Variants in CRTC1 observed in about 807,000 individuals in gnomAD.
CRTC1 encodes CREB regulated transcription coactivator 1.
Under a neutral mutation model 66.1 loss-of-function variants are expected in CRTC1, and 18 were observed. The observed-to-expected ratio is 0.27, with a 90% CI of 0.19 to 0.40. The LOEUF (loss-of-function observed/expected upper bound fraction) is 0.40, where lower values mean the gene tolerates loss of function less well. CRTC1 is among the 10% of genes least tolerant of loss of function. The pLI is 1.00. For missense variants in CRTC1, 669 were observed against 887.9 expected, an observed-to-expected ratio of 0.75 and a Z score of 3.13; for synonymous variants, 416 against 398.8, an observed-to-expected ratio of 1.04 and a Z score of -0.51.
chr19:18,731,827 G>GTA (rs2053896474), intron 1 of CRTC1, among the ~76,000 whole-genome samples: 1 of 152,206 alleles, frequency 6.6e-6, no homozygotes, highest in Non-Finnish European at 1.5e-5. Context: ...TGGGGGGAAG[G>GTA]CACTGCTGGT....
chr19:18,734,767 C>T (rs1357348164), intron 1 of CRTC1, among the ~76,000 whole-genome samples: 1 of 152,226 alleles, frequency 6.6e-6, no homozygotes, highest in Admixed American at 6.5e-5. Flanking sequence ...CACACAGTTT[C>T]CAGAGGTGGG....
At chr19:18,719,728 C>T (rs967763124) in intron 1 of CRTC1, among the ~76,000 whole-genome samples, 3 of 152,172 alleles carry the variant, frequency 2.0e-5, no homozygotes, top group Non-Finnish European at 4.4e-5. Context: ...CCTGGCAGAT[C>T]GCCCCGCGGT....
intron 11 of CRTC1, among the ~76,000 whole-genome samples, chr19:18,774,537 C>T (rs1028824815): frequency 1.8e-4 from 27 of 152,346 alleles, no homozygotes; most frequent in African/African-American, 5.8e-4. Flanking sequence ...GGGCACTTCC[C>T]GCCTTGGCCC....
intron 9 of CRTC1, among the ~76,000 whole-genome samples, chr19:18,767,059 A>G (rs1203854316): frequency 1.3e-5 from 2 of 152,088 alleles, no homozygotes; most frequent in South Asian, 4.1e-4. Context: ...AAGGCTATTC[A>G]GGTTTTCTGT....
At chr19:18,758,172 T>C (rs1399942466) in intron 6 of CRTC1, among the ~76,000 whole-genome samples, 2 of 150,782 alleles carry the variant, frequency 1.3e-5, no homozygotes, top group Non-Finnish European at 3.0e-5. Flanking sequence ...CCCTCCTGGC[T>C]AACACGGTGA....
Position 18,781,382 on chromosome 19 carries a change from C to T in CRTC1, c.*4000C>T, listed in dbSNP as rs571210236. 8 of 229,294 alleles carry T rather than the reference C, an allele frequency of 3.5e-5. No individual in the cohort carries two copies. The highest frequency in any genetic ancestry group is 5.7e-5 in the Admixed American group (1 of 17,660). The allele number at this position is 229,294 out of a possible 1,614,324, so 14.2% of individuals were successfully genotyped here. A position where few individuals can be genotyped will look rare whatever the true frequency, so the allele number is the denominator to read the frequency against. On this transcript the variant is annotated 3_prime_UTR_variant, in exon 14 of 14. Coordinates refer to ENST00000321949, the MANE Select transcript of CRTC1 (RefSeq NM_015321.3). ...GGCCTCCATTTCCTGGGGGCTCTTG[C>T]GGCATGTGATTTGGGGGTCCCTGGG... is the stretch of plus-strand genomic sequence containing the variant.
intron 1 of CRTC1, among the ~76,000 whole-genome samples, chr19:18,728,941 T>C (rs1385588372): frequency 6.7e-6 from 1 of 149,798 alleles, no homozygotes; most frequent in Non-Finnish European, 1.5e-5. Flanking sequence ...GCCTCCCAAG[T>C]ACCTGGCATT....
chr19:18,706,278 C>T (rs1406418306), intron 1 of CRTC1, among the ~76,000 whole-genome samples: 1 of 129,262 alleles, frequency 7.7e-6, no homozygotes, highest in Admixed American at 9.4e-5. Context: ...AATCTTGGCT[C>T]ACTGCAACCT....
rs772087970 is a variant in CRTC1 at position 18,768,749 on chromosome 19, C to A, written c.1276C>A (p.Pro426Thr). 17 of 1,602,102 alleles carry A rather than the reference C, an allele frequency of 1.1e-5. No individual in the cohort carries two copies. The highest frequency in any genetic ancestry group is 2.3e-5 in the East Asian group (1 of 44,290). The part of the protein sequence containing the change: ...TVPSSLPQSP[P>T]ENPGQPSMGI... ...ACCGTCCTCTCTCCCCCAGTCCCCC[C>A]CAGAGAACCCTGGCCAGCCATCGAT... Residue 426 changes from proline to threonine, a missense_variant, in exon 10 of 14, where the codon CCA becomes ACA. Transcript: ENST00000321949. This position sits in a 1 kb window ranked among gnomAD's most constrained non-coding sequence, Gnocchi z 5.6.
intron 1 of CRTC1, among the ~76,000 whole-genome samples, chr19:18,684,628 A>T (rs1286959268): frequency 6.6e-6 from 1 of 152,150 alleles, no homozygotes; most frequent in Admixed American, 6.5e-5. Context: ...GGTGGGGGCC[A>T]GGTGATGTTC....
intron 1 of CRTC1, among the ~76,000 whole-genome samples, chr19:18,732,307 TAAG>T (rs1480784765): frequency 1.3e-5 from 2 of 152,248 alleles, no homozygotes; most frequent in East Asian, 1.9e-4. Context: ...GGAGGCCTTG[TAAG>T]AAGAAGAAGA....
chr19:18,740,992 G>A (rs12460288), intron 1 of CRTC1, among the ~76,000 whole-genome samples: 1 of 152,110 alleles, frequency 6.6e-6, no homozygotes. Flanking sequence ...GCAACAGAGC[G>A]AGACTCCATC....
chr19:18,699,495 G>A (rs979357807), intron 1 of CRTC1, among the ~76,000 whole-genome samples: 9 of 152,174 alleles, frequency 5.9e-5, no homozygotes, highest in Admixed American at 2.0e-4. Flanking sequence ...CACTGGGGTG[G>A]CCCGGTGAGT....
At chr19:18,693,764 G>A (rs768465688) in intron 1 of CRTC1, among the ~76,000 whole-genome samples, 1 of 151,402 alleles carries the variant, frequency 6.6e-6, no homozygotes, top group Non-Finnish European at 1.5e-5. Context: ...ACAGGCGTGA[G>A]CCACCATTCC....
At chr19:18,685,339 G>A (rs1383328786) in intron 1 of CRTC1, among the ~76,000 whole-genome samples, 1 of 151,954 alleles carries the variant, frequency 6.6e-6, no homozygotes, top group African/African-American at 2.4e-5. Context: ...GAAAGAGATG[G>A]CTGGTGAATG....
rs1429196294 is a variant in CRTC1 at position 18,778,730 on chromosome 19, G to A, written c.*1348G>A. Reference sequence around the variant, plus strand: ...GACCAGTGGCAGCTGAGACCTCTCTGCCCCAAGAGTGTGGGGGACTGGCAG... The same window carrying A: ...GACCAGTGGCAGCTGAGACCTCTCTACCCCAAGAGTGTGGGGGACTGGCAG... On this transcript the variant is annotated 3_prime_UTR_variant, in exon 14 of 14. Coordinates refer to ENST00000321949, the MANE Select transcript of CRTC1 (RefSeq NM_015321.3). 2 of 231,020 alleles carry A rather than the reference G, an allele frequency of 8.7e-6. No individual in the cohort carries two copies. Among genetic ancestry groups the A allele is most frequent in the Non-Finnish European group, 1.7e-5 (2 of 116,718 alleles). The allele number at this position is 231,020 out of a possible 1,614,324, so 14.3% of individuals were successfully genotyped here.
At chr19:18,733,157 C>T (rs1485855421) in intron 1 of CRTC1, among the ~76,000 whole-genome samples, 1 of 152,030 alleles carries the variant, frequency 6.6e-6, no homozygotes, top group Non-Finnish European at 1.5e-5. Flanking sequence ...GTAACTGAGG[C>T]CCCTCCTGTC....
chr19:18,720,338 A>G (rs1303717258), intron 1 of CRTC1, among the ~76,000 whole-genome samples: 3 of 146,920 alleles, frequency 2.0e-5, no homozygotes, highest in Non-Finnish European at 4.5e-5. Flanking sequence ...TAACTTTTGT[A>G]TTTTCTTTCT....
chr19:18,776,260 C>T (rs2054987333), intron 13 of CRTC1, among the ~76,000 whole-genome samples: 1 of 152,226 alleles, frequency 6.6e-6, no homozygotes, highest in African/African-American at 2.4e-5. Flanking sequence ...GGCCGTGATG[C>T]ACCGTGACAA....
Sources: gnomAD v4.1 joint callset for allele counts (sites outside exome capture counted in the v4.1 genomes callset) on GRCh38, gnomAD v4.1.1 for gene constraint, Gnocchi (gnomAD v3.1) non-coding constraint, MANE v1.5 for transcripts, NCBI Gene and HGNC (gene_info 2026-07-23, HGNC 2026-07-21) for gene names.